MSRA: variants seen among roughly 807,000 people sequenced by gnomAD.
MSRA encodes the protein mitochondrial peptide methionine sulfoxide reductase.
MSRA carries 54 observed loss-of-function variants against 31.3 expected under a neutral mutation model. The observed-to-expected ratio is 1.73, with a 90% CI of 1.39 to 2.17. The LOEUF (loss-of-function observed/expected upper bound fraction) is 2.17, where lower values mean the gene tolerates loss of function less well. Among genes scored for constraint, MSRA ranks in the 30% most tolerant of loss-of-function variants. The pLI, the probability that MSRA is intolerant of heterozygous loss-of-function variation, is 0.00. For synonymous variants in MSRA, 169 were observed against 116.5 expected, an observed-to-expected ratio of 1.45 and a Z score of -2.90; for missense variants, 507 against 300.9, an observed-to-expected ratio of 1.69 and a Z score of -5.07.
chr8:10,213,609 T>A (rs1253019312), intron 2 of MSRA, among the ~76,000 whole-genome samples: 1 of 151,932 alleles, frequency 6.6e-6, no homozygotes, highest in Non-Finnish European at 1.5e-5. Context: ...GCTAATTTTC[T>A]GTCTTTTTAG....
rs1315852786 is a variant in MSRA, at chr8:10,389,760, A to C, written c.544-38388A>C. Among the ~76,000 whole-genome samples, 12 of 135,596 alleles carry C rather than the reference A, an allele frequency of 8.8e-5. No homozygotes were observed. The South Asian group carries it at 2.7e-3, about 30-fold the overall frequency. 89.0% of individuals were successfully genotyped at this position (135,596 alleles called of 152,430 possible). On this transcript the variant is annotated intron_variant, in intron 5 of 5. Transcript: ENST00000317173. ...GCTTGCTTTTTTTTTTTTTTTTTTAAAGTCTTTTTTTTTTCCCCAGAAACT... is the reference window on the plus strand; with the variant it reads ...GCTTGCTTTTTTTTTTTTTTTTTTACAGTCTTTTTTTTTTCCCCAGAAACT...
chr8:10,080,714 T>C (rs1286016642), intron 1 of MSRA, among the ~76,000 whole-genome samples: 9 of 149,774 alleles, frequency 6.0e-5, no homozygotes, highest in African/African-American at 2.3e-4. Flanking sequence ...TTTTTTTTAA[T>C]TTCTAGTAGA....
At chr8:10,093,372 G>C (rs1278471399) in intron 1 of MSRA, among the ~76,000 whole-genome samples, 1 of 151,994 alleles carries the variant, frequency 6.6e-6, no homozygotes, top group Non-Finnish European at 1.5e-5. Context: ...TTGCCCTGGG[G>C]ATTACAGTTA....
chr8:10,229,573 G>T (rs373122379), intron 2 of MSRA, among the ~76,000 whole-genome samples: 2 of 152,290 alleles, frequency 1.3e-5, no homozygotes, highest in Admixed American at 6.5e-5. Flanking sequence ...CTGCGCATGT[G>T]GGGAGGGCAG....
intron 1 of MSRA, among the ~76,000 whole-genome samples, chr8:10,188,068 C>G (rs1469191387): frequency 6.6e-6 from 1 of 152,146 alleles, no homozygotes; most frequent in Non-Finnish European, 1.5e-5. Context: ...AAAAATACTT[C>G]TTTTGAAATA....
chr8:10,234,656 G>A (rs572057458), intron 2 of MSRA, among the ~76,000 whole-genome samples: 36 of 152,076 alleles, frequency 2.4e-4, no homozygotes, highest in South Asian at 1.0e-3. Flanking sequence ...TATCAAATTG[G>A]CTAAGAACCA....
chr8:10,368,951 T>C (rs771597921), intron 5 of MSRA, among the ~76,000 whole-genome samples: 8 of 152,198 alleles, frequency 5.3e-5, no homozygotes, highest in Admixed American at 1.3e-4. Context: ...AATGAAATTC[T>C]TGTGGTTCTA....
intron 5 of MSRA, among the ~76,000 whole-genome samples, chr8:10,374,537 A>G (rs1375041406): frequency 6.6e-6 from 1 of 152,214 alleles, no homozygotes; most frequent in East Asian, 1.9e-4. Context: ...CAAATCGCCC[A>G]AGGTCTTCCA....
At chr8:10,054,784 GT>G (rs1454375522) in intron 1 of MSRA, 126 bp downstream of exon 1, 1 of 1,124,762 alleles carries the variant, frequency 8.9e-7, no homozygotes, top group African/African-American at 1.6e-5. Flanking sequence ...CGGGGTGGGG[GT>G]CTGCGCAGGC....
intron 2 of MSRA, among the ~76,000 whole-genome samples, chr8:10,225,274 T>G (rs774759862): frequency 1.2e-4 from 18 of 152,232 alleles, no homozygotes; most frequent in African/African-American, 1.7e-4. Context: ...GAAGTCTCTG[T>G]GACTTTCCTC....
chr8:10,113,581 A>C (rs1184164983), intron 1 of MSRA, among the ~76,000 whole-genome samples: 2 of 151,560 alleles, frequency 1.3e-5, no homozygotes, highest in Non-Finnish European at 2.9e-5. Context: ...TGGAGATTTG[A>C]ATAAAGTAGG....
In MSRA at chr8:10,062,742, C is replaced by T. The variant is rs545633851; in HGVS notation, c.142+8084C>T. Among the ~76,000 whole-genome samples, 32 of 152,262 alleles carry T rather than the reference C, an allele frequency of 2.1e-4. 1 individual carries two copies. Among genetic ancestry groups the T allele is most frequent in the African/African-American group, 7.7e-4 (32 of 41,544 alleles). On this transcript the variant is annotated intron_variant, in intron 1 of 5. Coordinates refer to ENST00000317173, the MANE Select transcript of MSRA (RefSeq NM_012331.5). ...TTTGTGGTTATGTTACTGGTTTTTC[C>T]TATCGCATCAGAAAACTTTATTAAC...
At chr8:10,168,150 GTGTC>G (rs1446147973) in intron 1 of MSRA, among the ~76,000 whole-genome samples, 3 of 152,200 alleles carry the variant, frequency 2.0e-5, no homozygotes, top group African/African-American at 7.2e-5. Flanking sequence ...GATAATAAAA[GTGTC>G]TACCTTGTAG....
chr8:10,316,754 G>C (rs1801750475), intron 4 of MSRA, among the ~76,000 whole-genome samples: 1 of 152,188 alleles, frequency 6.6e-6, no homozygotes, highest in African/African-American at 2.4e-5. Flanking sequence ...AAACACCTAA[G>C]GTAAAGGCAA....
At chr8:10,105,953 T>G (rs1196440612) in intron 1 of MSRA, among the ~76,000 whole-genome samples, 1 of 152,238 alleles carries the variant, frequency 6.6e-6, no homozygotes, top group South Asian at 2.1e-4. Context: ...ACTCCCTCTT[T>G]CCCTGCTAGT....
At chr8:10,329,043 C>T (rs4335130) in intron 5 of MSRA, among the ~76,000 whole-genome samples, 33,234 of 152,078 alleles carry the variant, frequency 0.22, 5,037 homozygotes, top group East Asian at 0.57. Flanking sequence ...ACCGAAGTTG[C>T]TATTATGATC....
intron 3 of MSRA, among the ~76,000 whole-genome samples, chr8:10,249,532 A>G (rs1279561357): frequency 6.6e-6 from 1 of 152,116 alleles, no homozygotes; most frequent in Non-Finnish European, 1.5e-5. Flanking sequence ...TCCCTTCCTC[A>G]GGTTCATTAA....
chr8:10,089,635 A>G (rs35013996), intron 1 of MSRA, among the ~76,000 whole-genome samples: 46,751 of 152,134 alleles, frequency 0.31, 8,327 homozygotes, highest in Middle Eastern at 0.43. Context: ...TATACAGAAA[A>G]GAGGTCTTTT....
intron 5 of MSRA, among the ~76,000 whole-genome samples, chr8:10,374,881 A>G (rs575570306): frequency 6.6e-6 from 1 of 152,280 alleles, no homozygotes; most frequent in South Asian, 2.1e-4. Context: ...CCTCACGGTA[A>G]TAAGGGAGTT....
Sources: gnomAD v4.1 joint callset for allele counts (sites outside exome capture counted in the v4.1 genomes callset) on GRCh38, gnomAD v4.1.1 for gene constraint, MANE v1.5 for transcripts, NCBI Gene and HGNC (gene_info 2026-07-23, HGNC 2026-07-21) for gene names.